The following SLC35F3 variants were observed in gnomAD, a reference collection of about 807,000 sequenced individuals.
SLC35F3 encodes the protein putative thiamine transporter SLC35F3.
A neutral mutation model predicts 49.9 loss-of-function variants in SLC35F3; 25 were observed. The observed-to-expected ratio is 0.50, with a 90% CI of 0.37 to 0.70. The LOEUF (loss-of-function observed/expected upper bound fraction) is 0.70. Ranked by LOEUF, SLC35F3 falls within the 30% of genes least tolerant of loss-of-function variation. The probability of loss-of-function intolerance (pLI) is 0.00; values close to 1 mark genes in which losing one functional copy is unlikely to be tolerated. For synonymous variants in SLC35F3, 275 were observed against 265.4 expected (o/e 1.04, Z -0.35); for missense variants, 525 against 639.8 (o/e 0.82, Z 1.94).
intron 2 of SLC35F3, among the ~76,000 whole-genome samples, chr1:234,059,864 C>A (rs923249197): frequency 6.6e-6 from 1 of 152,164 alleles, no homozygotes; most frequent in African/African-American, 2.4e-5. Context: ...GGAGGCTAGG[C>A]CCATCTCACC....
At chr1:233,962,633 T>G (rs1191045644) in intron 2 of SLC35F3, among the ~76,000 whole-genome samples, 1 of 152,224 alleles carries the variant, frequency 6.6e-6, no homozygotes, top group Non-Finnish European at 1.5e-5. Context: ...ATTTTTCTCC[T>G]TTGTTTTGTA....
At chr1:234,119,506 G>GGTA (rs1241392416) in intron 2 of SLC35F3, among the ~76,000 whole-genome samples, 3 of 152,190 alleles carry the variant, frequency 2.0e-5, no homozygotes, top group South Asian at 4.2e-4. Flanking sequence ...CATTCATAAC[G>GGTA]GTAGCATCAC....
At chr1:234,149,132 G>A (rs927328154) in intron 2 of SLC35F3, among the ~76,000 whole-genome samples, 1 of 152,126 alleles carries the variant, frequency 6.6e-6, no homozygotes, top group Admixed American at 6.5e-5. Context: ...AATCAATGAC[G>A]GAATCTGTGT....
At chr1:233,956,592 A>C (rs1323602450) in intron 2 of SLC35F3, among the ~76,000 whole-genome samples, 1 of 152,226 alleles carries the variant, frequency 6.6e-6, no homozygotes, top group African/African-American at 2.4e-5. Flanking sequence ...TGAGCAGGAA[A>C]AGTAATTGGA....
Position 234,084,804 on chromosome 1 carries a change from C to T in SLC35F3, c.284-146613C>T, listed in dbSNP as rs189369802. On this transcript the variant is annotated intron_variant, in intron 2 of 7. Coordinates refer to ENST00000366618, the MANE Select transcript of SLC35F3 (RefSeq NM_173508.4). ...CCAACCAGGATCTGGTTGTTCCTGA[C>T]ACTGACTGGATGTATTGTAGTATCT... Among the ~76,000 whole-genome samples, 12 of 146,748 alleles carry T rather than the reference C, an allele frequency of 8.2e-5. No individual in the cohort carries two copies. In the East Asian group the frequency reaches 4.7e-3, roughly 57 times the overall value.
At chr1:234,317,437 G>A (rs1460493122) in intron 5 of SLC35F3, among the ~76,000 whole-genome samples, 1 of 151,792 alleles carries the variant, frequency 6.6e-6, no homozygotes, top group African/African-American at 2.4e-5. Context: ...AGCAGAGAAT[G>A]CAAATATTTT....
At position 234,275,761 on chromosome 1, in the gene SLC35F3, AAAATAT is replaced by A. The variant is rs1166789612; in HGVS notation, c.609-33338_609-33333del. Reference sequence around the variant, plus strand: ...ATCATTGGTAAGTATTGAAAAAAAAAAAATATATATATATATATATAGCACAGAAGA... The same window carrying A: ...ATCATTGGTAAGTATTGAAAAAAAAAATATATATATATATAGCACAGAAGA... On this transcript the variant is annotated intron_variant, in intron 3 of 7. Coordinates refer to ENST00000366618, the MANE Select transcript of SLC35F3 (RefSeq NM_173508.4). Among the ~76,000 whole-genome samples, 271 of 137,320 alleles carry A rather than the reference AAAATAT, an allele frequency of 2.0e-3. 2 individuals are homozygous for A. The highest frequency in any genetic ancestry group is 7.2e-3 in the Middle Eastern group (2 of 278). The allele number at this position is 137,320 out of a possible 152,430, so 90.1% of individuals were successfully genotyped here.
chr1:234,315,908 T>C (rs775012222), intron 4 of SLC35F3, among the ~76,000 whole-genome samples: 3 of 152,222 alleles, frequency 2.0e-5, no homozygotes, highest in Non-Finnish European at 4.4e-5. Context: ...TCACTTTCCA[T>C]GAGAGTAATA....
chr1:234,188,384 C>G (rs1225759606), intron 2 of SLC35F3, among the ~76,000 whole-genome samples: 3 of 152,122 alleles, frequency 2.0e-5, no homozygotes, highest in Admixed American at 6.6e-5. Context: ...TGAGACTGGC[C>G]TTTTGGGTTG....
At chr1:234,030,621 C>A (rs1198830650) in intron 2 of SLC35F3, among the ~76,000 whole-genome samples, 1 of 152,122 alleles carries the variant, frequency 6.6e-6, no homozygotes. Flanking sequence ...ACTTAGAGGG[C>A]AGGCACAAAA....
chr1:234,278,708 C>T (rs1488588625), intron 3 of SLC35F3, among the ~76,000 whole-genome samples: 4 of 152,060 alleles, frequency 2.6e-5, no homozygotes, highest in Non-Finnish European at 4.4e-5. Context: ...GCTAGCAGAT[C>T]CAGTGTCTGA....
chr1:233,907,500 G>A (rs1661796141), intron 2 of SLC35F3, among the ~76,000 whole-genome samples: 1 of 152,216 alleles, frequency 6.6e-6, no homozygotes, highest in African/African-American at 2.4e-5. Context: ...TAGTAGCAGG[G>A]AAGGCTACAG....
At chr1:234,121,046 C>A (rs1276132196) in intron 2 of SLC35F3, among the ~76,000 whole-genome samples, 1 of 151,122 alleles carries the variant, frequency 6.6e-6, no homozygotes, top group African/African-American at 2.4e-5. Flanking sequence ...TTGTTTGCAA[C>A]TCTTCAATAG....
At chr1:234,290,894 T>A (rs1360785018) in intron 3 of SLC35F3, among the ~76,000 whole-genome samples, 3 of 152,136 alleles carry the variant, frequency 2.0e-5, no homozygotes, top group African/African-American at 7.2e-5. Flanking sequence ...TCCCTTTCCT[T>A]CTTTGGTCCC....
intron 2 of SLC35F3, among the ~76,000 whole-genome samples, chr1:233,982,700 TTTTG>T (rs1234485880): frequency 6.6e-6 from 1 of 152,186 alleles, no homozygotes; most frequent in African/African-American, 2.4e-5. Flanking sequence ...CACATCTTTT[TTTTG>T]TTTGTTTGTT....
intron 3 of SLC35F3, among the ~76,000 whole-genome samples, chr1:234,295,422 T>C (rs2102987759): frequency 6.6e-6 from 1 of 152,352 alleles, no homozygotes; most frequent in South Asian, 2.1e-4. Context: ...TTCCATTCCC[T>C]TTCATGGTGA....
chr1:234,262,874 C>T (rs1261157675), intron 3 of SLC35F3, among the ~76,000 whole-genome samples: 1 of 152,222 alleles, frequency 6.6e-6, no homozygotes, highest in Non-Finnish European at 1.5e-5. Context: ...TGTATTCTAA[C>T]ACAGAGCTGA....
At chr1:233,910,177 A>G (rs1661851284) in intron 2 of SLC35F3, among the ~76,000 whole-genome samples, 1 of 152,262 alleles carries the variant, frequency 6.6e-6, no homozygotes, top group African/African-American at 2.4e-5. Flanking sequence ...CCAGTAGAAG[A>G]GAAATGACTG....
chr1:234,108,055 A>T (rs1572054485), intron 2 of SLC35F3, among the ~76,000 whole-genome samples: 1 of 151,330 alleles, frequency 6.6e-6, no homozygotes, highest in Admixed American at 6.6e-5. Context: ...AAGGAAAAAA[A>T]AGCACTGCTT....
Sources: allele counts gnomAD v4.1 joint callset (sites outside exome capture counted in the v4.1 genomes callset), GRCh38; gene constraint gnomAD v4.1.1; transcripts MANE v1.5; gene names NCBI Gene and HGNC (gene_info 2026-07-23, HGNC 2026-07-21).